The following IL1RAPL2 variants were observed in gnomAD, a reference collection of about 807,000 sequenced individuals.
IL1RAPL2 encodes the protein X-linked interleukin-1 receptor accessory protein-like 2.
A neutral mutation model predicts 44.1 loss-of-function variants in IL1RAPL2; 3 were observed. The observed-to-expected ratio is 0.07, with a 90% CI of 0.03 to 0.18. The LOEUF (loss-of-function observed/expected upper bound fraction) is 0.18, where lower values mean the gene tolerates loss of function less well. Among genes scored for constraint, IL1RAPL2 ranks in the 10% least tolerant of loss-of-function variants. IL1RAPL2 has a pLI of 1.00. For missense variants in IL1RAPL2, 391 were observed against 496.4 expected (o/e 0.79, Z 2.02); for synonymous variants, 181 against 178.8 (o/e 1.01, Z -0.10).
At chrX:105,612,984 G>A (rs1322216893) in intron 6 of IL1RAPL2, among the ~76,000 whole-genome samples, 1 of 111,582 alleles carries the variant, frequency 9.0e-6, no homozygotes, top group Non-Finnish European at 1.9e-5. Flanking sequence ...CATCTTGGGG[G>A]CCAGGAGAGC....
intron 5 of IL1RAPL2, among the ~76,000 whole-genome samples, chrX:105,305,677 A>G (rs926725782): frequency 1.8e-5 from 2 of 112,124 alleles, no homozygotes; most frequent in African/African-American, 3.2e-5. Flanking sequence ...ATGAGAAAAC[A>G]CAAACTGTAA....
intron 6 of IL1RAPL2, among the ~76,000 whole-genome samples, chrX:105,683,881 G>A (rs755082242): frequency 1.4e-4 from 16 of 112,233 alleles, no homozygotes; most frequent in African/African-American, 5.2e-4. Context: ...AAATGAACAT[G>A]TTCATTAACA....
At chrX:105,714,205 A>T (rs1047280277) in intron 6 of IL1RAPL2, among the ~76,000 whole-genome samples, 23 of 111,513 alleles carry the variant, frequency 2.1e-4, no homozygotes, top group African/African-American at 7.5e-4. Context: ...TCCTACCAAC[A>T]TTCTGGTCAT....
At chrX:105,535,461 A>C (rs1474690546) in intron 6 of IL1RAPL2, among the ~76,000 whole-genome samples, 1 of 112,080 alleles carries the variant, frequency 8.9e-6, no homozygotes, top group Non-Finnish European at 1.9e-5. Flanking sequence ...TGAGGTATTT[A>C]CTGTAGAGAA....
chrX:104,725,285 G>C (rs1047731110), intron 2 of IL1RAPL2, among the ~76,000 whole-genome samples: 1 of 111,749 alleles, frequency 8.9e-6, no homozygotes, highest in Admixed American at 9.5e-5. Flanking sequence ...GTCTATCATT[G>C]ATGGACAGTT....
At chrX:105,321,085 G>T (rs1308921323) in intron 5 of IL1RAPL2, among the ~76,000 whole-genome samples, 1 of 111,619 alleles carries the variant, frequency 9.0e-6, no homozygotes, top group Non-Finnish European at 1.9e-5. Flanking sequence ...ATGGGTTTGG[G>T]GTGGGGCATC....
intron 5 of IL1RAPL2, among the ~76,000 whole-genome samples, chrX:105,338,811 C>T (rs1332634233): frequency 9.0e-6 from 1 of 111,691 alleles, no homozygotes; most frequent in African/African-American, 3.3e-5. Flanking sequence ...TTTAAAACAG[C>T]AGCACAGGCT....
intron 2 of IL1RAPL2, among the ~76,000 whole-genome samples, chrX:105,176,122 T>A (rs1246377880): frequency 9.0e-6 from 1 of 111,526 alleles, no homozygotes; most frequent in Non-Finnish European, 1.9e-5. Context: ...ATGATATTAA[T>A]GTAACCACCA....
intron 6 of IL1RAPL2, among the ~76,000 whole-genome samples, chrX:105,657,280 C>A (rs946435082): frequency 8.9e-6 from 1 of 112,171 alleles, no homozygotes; most frequent in East Asian, 2.8e-4. Context: ...ATTCTAAATT[C>A]TCCTTGAACC....
chrX:105,716,812 C>T (rs773188423), intron 6 of IL1RAPL2, among the ~76,000 whole-genome samples: 13 of 112,008 alleles, frequency 1.2e-4, no homozygotes, highest in Non-Finnish European at 2.1e-4. Context: ...TTTACTTATA[C>T]TTTTGATTAA....
In IL1RAPL2 at chrX:105,540,832, TGATATATAATA is replaced by T. The variant is rs1569452091; in HGVS notation, c.772+56446_772+56456del. On this transcript the variant is annotated intron_variant, in intron 6 of 10. Transcript: ENST00000372582. ...ATATAATATATACATATATTATATA[TGATATATAATA>T]CATACATATATTATATATGATATAT... 6.6e-4 allele frequency among the ~76,000 whole-genome samples: 48 copies of T among 73,265 alleles called. 6 individuals are homozygous for T. Among genetic ancestry groups the T allele is most frequent in the African/African-American group, 2.2e-3 (48 of 21,537 alleles). 63.6% of individuals were successfully genotyped at this position (73,265 alleles called of 115,157 possible). A position where few individuals can be genotyped will look rare whatever the true frequency, so the allele number is the denominator to read the frequency against.
At chrX:104,634,436 C>A (rs1929741648) in intron 1 of IL1RAPL2, among the ~76,000 whole-genome samples, 1 of 111,405 alleles carries the variant, frequency 9.0e-6, no homozygotes, top group South Asian at 3.8e-4. Flanking sequence ...CTAATGTTGA[C>A]AGTGGGGTAT....
At chrX:105,758,191 G>A (rs1300952937) in intron 10 of IL1RAPL2, among the ~76,000 whole-genome samples, 2 of 111,476 alleles carry the variant, frequency 1.8e-5, no homozygotes, top group Non-Finnish European at 3.8e-5. Flanking sequence ...TGAGGCCTTT[G>A]AGGACTATGA....
intron 3 of IL1RAPL2, among the ~76,000 whole-genome samples, chrX:105,224,373 C>T (rs190961564): frequency 1.3e-4 from 14 of 111,438 alleles, no homozygotes; most frequent in African/African-American, 3.3e-4. Context: ...ATTCAAGTGA[C>T]GAGAATCAAT....
chrX:105,335,825 A>G (rs2035024216), intron 5 of IL1RAPL2, among the ~76,000 whole-genome samples: 1 of 111,743 alleles, frequency 8.9e-6, no homozygotes, highest in African/African-American at 3.3e-5. Context: ...CTAAGCTTTA[A>G]TATTGTCTTT....
intron 2 of IL1RAPL2, among the ~76,000 whole-genome samples, chrX:104,763,600 A>G (rs756227108): frequency 3.6e-5 from 4 of 111,827 alleles, no homozygotes; most frequent in Non-Finnish European, 7.5e-5. Context: ...GGTAATTTAT[A>G]AAAGAGGAGG....
intron 2 of IL1RAPL2, among the ~76,000 whole-genome samples, chrX:104,790,614 T>C (rs1206934624): frequency 9.0e-6 from 1 of 111,272 alleles, no homozygotes; most frequent in African/African-American, 3.3e-5. Context: ...CTTTTTATTT[T>C]TTGTTATTAT....
chrX:105,266,045 CTT>C (rs374262397), intron 4 of IL1RAPL2, among the ~76,000 whole-genome samples: 4 of 102,904 alleles, frequency 3.9e-5, no homozygotes, highest in African/African-American at 1.4e-4. Flanking sequence ...TGATAAAATA[CTT>C]TTTTTTTTTT....
chrX:105,012,672 C>CAGAGAGAGAG (rs753828552), intron 2 of IL1RAPL2, among the ~76,000 whole-genome samples: 1 of 50,052 alleles, frequency 2.0e-5, no homozygotes, highest in East Asian at 8.8e-4. Flanking sequence ...CACACACACA[C>CAGAGAGAGAG]ACAGAGAGAG....
Sources: allele counts gnomAD v4.1 joint callset (sites outside exome capture counted in the v4.1 genomes callset), GRCh38; gene constraint gnomAD v4.1.1; transcripts MANE v1.5; gene names NCBI Gene and HGNC (gene_info 2026-07-23, HGNC 2026-07-21).